The following FNDC3B variants were observed in gnomAD, a reference collection of about 807,000 sequenced individuals.
FNDC3B encodes the protein fibronectin type III domain containing 3B.
FNDC3B carries 12 observed loss-of-function variants against 151.5 expected under a neutral mutation model. That is an observed-to-expected ratio of 0.08 (90% CI 0.05 to 0.13). FNDC3B has a LOEUF of 0.13. FNDC3B is among the 10% of genes least tolerant of loss of function. The pLI is 1.00. For synonymous variants in FNDC3B, 528 were observed against 549.0 expected, an observed-to-expected ratio of 0.96 and a Z score of 0.54; for missense variants, 1,214 against 1,505.3, an observed-to-expected ratio of 0.81 and a Z score of 3.20.
At position 172,045,786 on chromosome 3, in the gene FNDC3B, C is replaced by CTA. The variant is rs1163697833; in HGVS notation, c.-29+6016_-29+6017insAT. Among the ~76,000 whole-genome samples, 341 of 139,328 alleles carry CTA rather than the reference C, an allele frequency of 2.4e-3. 1 individual carries two copies. Among genetic ancestry groups the CTA allele is most frequent in the Middle Eastern group, 7.1e-3 (2 of 282 alleles). 91.4% of individuals were successfully genotyped at this position (139,328 alleles called of 152,430 possible). ...TGAGTGTCTCTCTCTCTCTCTCTCT[C>CTA]TCTCTCTCTATATATATATATACAC... On this transcript the variant is annotated intron_variant, in intron 1 of 25. Transcript: ENST00000415807.
At chr3:172,304,024 A>G (rs1291868427) in intron 9 of FNDC3B, among the ~76,000 whole-genome samples, 2 of 152,166 alleles carry the variant, frequency 1.3e-5, no homozygotes, top group Non-Finnish European at 2.9e-5. Flanking sequence ...AAAATAGCCA[A>G]CTCCATCTGG....
At chr3:172,354,844 A>G (rs1165370099) in intron 22 of FNDC3B, among the ~76,000 whole-genome samples, 1 of 151,534 alleles carries the variant, frequency 6.6e-6, no homozygotes, top group African/African-American at 2.4e-5. Context: ...CTTGGATAAA[A>G]GACTTGTTTC....
intron 22 of FNDC3B, among the ~76,000 whole-genome samples, chr3:172,354,061 T>G (rs1230785394): frequency 6.6e-6 from 1 of 152,128 alleles, no homozygotes; most frequent in Non-Finnish European, 1.5e-5. Context: ...TTGCTTTTTC[T>G]TTTACATCTT....
At chr3:172,271,377 G>A (rs867337694) in intron 6 of FNDC3B, among the ~76,000 whole-genome samples, 1 of 152,134 alleles carries the variant, frequency 6.6e-6, no homozygotes, top group South Asian at 2.1e-4. Flanking sequence ...ACATAGTTTG[G>A]GAATTTTTTT....
intron 3 of FNDC3B, among the ~76,000 whole-genome samples, chr3:172,181,406 A>AAC (rs1553769929): frequency 3.5e-5 from 5 of 144,644 alleles, no homozygotes; most frequent in Admixed American, 7.2e-5. Flanking sequence ...AAAAAAAAAA[A>AAC]AAAAAAAACA....
chr3:172,304,007 G>A (rs1731066400), intron 9 of FNDC3B, among the ~76,000 whole-genome samples: 2 of 152,156 alleles, frequency 1.3e-5, no homozygotes, highest in Admixed American at 6.5e-5. Context: ...TAAGATTAAA[G>A]GCAAGAAAAA....
At chr3:172,090,062 A>ATTAG (rs1445755553) in intron 1 of FNDC3B, among the ~76,000 whole-genome samples, 2 of 152,232 alleles carry the variant, frequency 1.3e-5, no homozygotes, top group African/African-American at 4.8e-5. Flanking sequence ...AATTTTTAAA[A>ATTAG]TTAGTCTATT....
In FNDC3B at chr3:172,352,617, G is replaced by T. The variant is rs956018406; in HGVS notation, c.2515-186G>T. 2.6e-5 allele frequency among the ~76,000 whole-genome samples: 4 copies of T among 152,114 alleles called. No homozygotes were observed. The East Asian group carries it at 7.7e-4, about 29-fold the overall frequency. The stretch of plus-strand genomic sequence containing the variant: ...GGTGGCCATATTTTGCTTTAATAAT[G>T]GAAAAAATGTGGTTAGCATTCTTTG... On this transcript the variant is annotated intron_variant, in intron 21 of 25. Coordinates refer to ENST00000415807, the MANE Select transcript of FNDC3B (RefSeq NM_022763.4). The surrounding 1 kb of genome is among the most constrained non-coding windows in gnomAD (Gnocchi z 4.2).
In FNDC3B at chr3:172,334,998, A is replaced by G. The variant is rs762543229; in HGVS notation, c.1696A>G (p.Thr566Ala). ...CTGTCCAAGCGAAGTTCTTGTTTGTACGACGAGTCCTGACAGGCCTGGACC... is the reference window on the plus strand; with the variant it reads ...CTGTCCAAGCGAAGTTCTTGTTTGTGCGACGAGTCCTGACAGGCCTGGACC... ...KSCPSEVLVCTTSPDRPGPPT... is the reference protein window; with the variant it reads ...KSCPSEVLVCATSPDRPGPPT... The change falls in exon 15 of 26, where the codon ACG (threonine) becomes GCG (alanine). Residue 566 changes from threonine (T) to alanine (A), a missense_variant. By Grantham distance (58) the Thr-to-Ala change is moderately conservative (BLOSUM62 0). Coordinates refer to ENST00000415807, the MANE Select transcript of FNDC3B (RefSeq NM_022763.4). 1 of 1,613,944 alleles carries G rather than the reference A, an allele frequency of 6.2e-7. No individual in the cohort carries two copies. The highest frequency in any genetic ancestry group is 1.1e-5 in the South Asian group (1 of 91,060).
chr3:172,371,160 A>G (rs968509774), intron 23 of FNDC3B, among the ~76,000 whole-genome samples: 41 of 151,788 alleles, frequency 2.7e-4, no homozygotes, highest in African/African-American at 9.9e-4. Flanking sequence ...AGTCCCTTAT[A>G]TAAAATGGCA....
intron 6 of FNDC3B, among the ~76,000 whole-genome samples, chr3:172,279,185 C>T (rs2108814396): frequency 7.6e-6 from 1 of 131,558 alleles, no homozygotes; most frequent in East Asian, 2.2e-4. Flanking sequence ...TGAATGTTCC[C>T]TGTAGGGCTT....
chr3:172,323,655 T>C (rs561590088), intron 11 of FNDC3B, among the ~76,000 whole-genome samples: 1 of 152,342 alleles, frequency 6.6e-6, no homozygotes, highest in South Asian at 2.1e-4. Context: ...CTCTGCTATG[T>C]AGCCACATAG....
chr3:172,173,174 C>T lies in FNDC3B; in HGVS notation c.187+39628C>T, dbSNP rs745350733. Among the ~76,000 whole-genome samples, 13 of 152,240 alleles carry T rather than the reference C, an allele frequency of 8.5e-5. No homozygotes were observed. The South Asian group carries it at 2.5e-3, about 29-fold the overall frequency. The stretch of plus-strand genomic sequence containing the variant: ...GAAACGATGGCAGAATATGCTGAGA[C>T]ATTTGCTCAGGGGTTAAAAGACAGG... On this transcript the variant is annotated intron_variant, in intron 3 of 25. Transcript: ENST00000415807.
chr3:172,079,548 G>A (rs1718180833), intron 1 of FNDC3B, among the ~76,000 whole-genome samples: 1 of 152,270 alleles, frequency 6.6e-6, no homozygotes, highest in Admixed American at 6.5e-5. Flanking sequence ...ATCTTGCAAT[G>A]ATTCTTGTGC....
chr3:172,209,806 C>T (rs79221162), intron 3 of FNDC3B, among the ~76,000 whole-genome samples: 3,517 of 152,332 alleles, frequency 0.023, 141 homozygotes, highest in African/African-American at 0.081. Context: ...CCAGGCTGTC[C>T]GGCCCGAGGG....
At chr3:172,305,322 T>A (rs2108240474) in intron 9 of FNDC3B, among the ~76,000 whole-genome samples, 1 of 152,368 alleles carries the variant, frequency 6.6e-6, no homozygotes. Context: ...AATATGTGGT[T>A]TGGTTGATAT....
At chr3:172,281,252 T>G (rs1452239013) in intron 6 of FNDC3B, among the ~76,000 whole-genome samples, 1 of 133,618 alleles carries the variant, frequency 7.5e-6, no homozygotes, top group Non-Finnish European at 1.6e-5. Context: ...TTTATTTATT[T>G]ATTTATATTT....
rs371440819 is a variant in FNDC3B at position 172,266,848 on chromosome 3, T to C, written c.790+15307T>C. On this transcript the variant is annotated intron_variant, in intron 6 of 25. Transcript: ENST00000415807. ...TCTCAGAATCCTTAACCTAATCATA[T>C]CTCCAAAGACTATTCCTTGCAGGGT... is the stretch of plus-strand genomic sequence containing the variant. Among the ~76,000 whole-genome samples, 70 of 152,248 alleles carry C rather than the reference T, an allele frequency of 4.6e-4. No individual in the cohort carries two copies. In the South Asian group the frequency reaches 0.014, roughly 30 times the overall value.
chr3:172,195,128 A>T (rs1724757939), intron 3 of FNDC3B, among the ~76,000 whole-genome samples: 1 of 152,260 alleles, frequency 6.6e-6, no homozygotes, highest in South Asian at 2.1e-4. Context: ...ATCTTGAGAT[A>T]AAAACCTATT....
Sources: allele counts gnomAD v4.1 joint callset (sites outside exome capture counted in the v4.1 genomes callset), GRCh38; gene constraint gnomAD v4.1.1; non-coding constraint Gnocchi (gnomAD v3.1); transcripts MANE v1.5; gene names NCBI Gene and HGNC (gene_info 2026-07-23, HGNC 2026-07-21).